The following MTPN variants were observed in gnomAD, a reference collection of about 807,000 sequenced individuals.
The protein encoded by MTPN is myotrophin, also known as granule cell differentiation protein.
In MTPN, 2 loss-of-function variants were observed where a neutral mutation model predicts 13.5. The ratio of observed to expected loss-of-function variants is 0.15; its 90% CI spans 0.06 to 0.47. The LOEUF (loss-of-function observed/expected upper bound fraction) is 0.47, where lower values mean the gene tolerates loss of function less well. Ranked by LOEUF, MTPN falls within the 20% of genes least tolerant of loss-of-function variation. The pLI, the probability that MTPN is intolerant of heterozygous loss-of-function variation, is 0.97. For missense variants in MTPN, 79 were observed against 137.9 expected (o/e 0.57, Z 2.14); for synonymous variants, 46 against 51.7 (o/e 0.89, Z 0.48).
chr7:135,968,927 T>C (rs185444490), intron 1 of MTPN, among the ~76,000 whole-genome samples: 10 of 151,772 alleles, frequency 6.6e-5, no homozygotes, highest in South Asian at 2.1e-4. Flanking sequence ...TTGGTATAGA[T>C]AGAAAAAGAG....
At chr7:135,943,941 A>G (rs1204811426) in intron 3 of MTPN, among the ~76,000 whole-genome samples, 2 of 152,216 alleles carry the variant, frequency 1.3e-5, no homozygotes, top group Non-Finnish European at 2.9e-5. Flanking sequence ...TAAAACTGCA[A>G]TGTTTTGAAA....
At position 135,927,293 on chromosome 7, in the gene MTPN, G is replaced by T; in HGVS notation, c.*2633C>A. On this transcript the variant is annotated 3_prime_UTR_variant, in exon 4 of 4. Transcript: ENST00000393085. ...CTGGGTTTAGAAAGGTGAGCTATGC[G>T]TAGAAGAACTACTTGGGATATTCAA... 1 of 1,549,740 alleles carries T rather than the reference G, an allele frequency of 6.5e-7. No individual in the cohort carries two copies. The highest frequency in any genetic ancestry group is 8.7e-7 in the Non-Finnish European group (1 of 1,146,218).
intron 1 of MTPN, among the ~76,000 whole-genome samples, chr7:135,974,471 T>G (rs576753405): frequency 6.6e-6 from 1 of 152,164 alleles, no homozygotes; most frequent in East Asian, 1.9e-4. Flanking sequence ...ATCACGACAC[T>G]GCACTCTAGC....
chr7:135,945,624 CA>C (rs1442511983), intron 3 of MTPN, among the ~76,000 whole-genome samples: 2 of 152,146 alleles, frequency 1.3e-5, no homozygotes, highest in African/African-American at 2.4e-5. Context: ...CAAGAGAATA[CA>C]TGGAGCTGTC....
chr7:135,972,205 ACACACGCGCACACG>A (rs142786982), intron 1 of MTPN, among the ~76,000 whole-genome samples: 15,922 of 137,800 alleles, frequency 0.12, 1,008 homozygotes, highest in East Asian at 0.25. Context: ...GGTTATAAAT[ACACACGCGCACACG>A]CGCACGCGCG....
At chr7:135,950,754 A>G (rs1799353383) in intron 2 of MTPN, 72 bp from the exon 3 acceptor site, 1 of 1,183,134 alleles carries the variant, frequency 8.5e-7, no homozygotes, top group Admixed American at 2.0e-5. Context: ...TAACTAGAAA[A>G]CTCTTTCTAG....
At chr7:135,955,116 A>G (rs1441543055) in intron 1 of MTPN, among the ~76,000 whole-genome samples, 1 of 152,190 alleles carries the variant, frequency 6.6e-6, no homozygotes, top group Non-Finnish European at 1.5e-5. Context: ...TGTGACTGAC[A>G]GAAAAAAATC....
chr7:135,972,247 ACACACACACACACC>A (rs1799708651), intron 1 of MTPN, among the ~76,000 whole-genome samples: 2 of 134,864 alleles, frequency 1.5e-5, no homozygotes, highest in Non-Finnish European at 3.3e-5. Context: ...ACACACACAC[ACACACACACACACC>A]CCATGTAGAT....
chr7:135,967,993 TG>T (rs1799631647), intron 1 of MTPN, among the ~76,000 whole-genome samples: 1 of 152,192 alleles, frequency 6.6e-6, no homozygotes, highest in Non-Finnish European at 1.5e-5. Flanking sequence ...AGTCTTGCTA[TG>T]TTGCCCAGGC....
chr7:135,930,692 C>T (rs764906153), intron 3 of MTPN, among the ~76,000 whole-genome samples: 2 of 152,132 alleles, frequency 1.3e-5, no homozygotes, highest in Non-Finnish European at 2.9e-5. Flanking sequence ...CATCTGTCTA[C>T]CCTTTCTGGA....
intron 1 of MTPN, among the ~76,000 whole-genome samples, chr7:135,966,334 A>T (rs1461715912): frequency 6.6e-6 from 1 of 152,140 alleles, no homozygotes; most frequent in Admixed American, 6.5e-5. Flanking sequence ...AACAGCTGGC[A>T]TTACAATACA....
chr7:135,976,634 G>A (rs1423761351), intron 1 of MTPN, among the ~76,000 whole-genome samples: 2 of 152,108 alleles, frequency 1.3e-5, no homozygotes, highest in African/African-American at 2.4e-5. Flanking sequence ...ACTTCATTTA[G>A]TAATGGGTAA....
intron 1 of MTPN, among the ~76,000 whole-genome samples, chr7:135,974,245 G>A (rs749359590): frequency 1.3e-5 from 2 of 152,062 alleles, no homozygotes; most frequent in Non-Finnish European, 2.9e-5. Flanking sequence ...ATTTATAAAG[G>A]AAAAACGGGT....
chr7:135,948,043 T>C (rs1307018172), intron 3 of MTPN, among the ~76,000 whole-genome samples: 1 of 152,174 alleles, frequency 6.6e-6, no homozygotes, highest in Non-Finnish European at 1.5e-5. Context: ...ACCAAGTCTT[T>C]TCAAGTGAAT....
chr7:135,948,428 C>G (rs903352522), intron 3 of MTPN, among the ~76,000 whole-genome samples: 1 of 152,078 alleles, frequency 6.6e-6, no homozygotes, highest in Non-Finnish European at 1.5e-5. Context: ...AGTCAAGGTT[C>G]AGACACAAAA....
Position 135,954,896 on chromosome 7 carries a change from T to C in MTPN, c.73-3266A>G, listed in dbSNP as rs146698093. Among the ~76,000 whole-genome samples the C allele has an allele frequency of 5.9e-3, 903 of 152,298 alleles. 12 individuals carry two copies. The highest frequency in any genetic ancestry group is 0.02 in the African/African-American group (825 of 41,552). On this transcript the variant is annotated intron_variant, in intron 1 of 3. Coordinates refer to ENST00000393085, the MANE Select transcript of MTPN (RefSeq NM_145808.4). ...AGGCAGAGCTTGCAGTAAGCCGAGA[T>C]TGCGCCACTGCACTCCAGCCTGGGT...
At chr7:135,945,613 G>T (rs1799277796) in intron 3 of MTPN, among the ~76,000 whole-genome samples, 1 of 152,126 alleles carries the variant, frequency 6.6e-6, no homozygotes, top group Non-Finnish European at 1.5e-5. Flanking sequence ...ATTTTCAGGG[G>T]CAAGAGAATA....
At chr7:135,957,892 G>A (rs1321166126) in intron 1 of MTPN, among the ~76,000 whole-genome samples, 1 of 152,050 alleles carries the variant, frequency 6.6e-6, no homozygotes, top group African/African-American at 2.4e-5. Context: ...GCCATGAGTG[G>A]AGGCACCCTG....
intron 3 of MTPN, among the ~76,000 whole-genome samples, chr7:135,935,296 T>C (rs909012601): frequency 3.9e-5 from 6 of 152,086 alleles, no homozygotes; most frequent in African/African-American, 1.4e-4. Flanking sequence ...TGGAGTGCAG[T>C]GGCACAACCT....
Sources: gnomAD v4.1 joint callset for allele counts (sites outside exome capture counted in the v4.1 genomes callset) on GRCh38, gnomAD v4.1.1 for gene constraint, MANE v1.5 for transcripts, NCBI Gene and HGNC (gene_info 2026-07-23, HGNC 2026-07-21) for gene names.